The following DLG2 variants were observed in gnomAD, a reference collection of about 807,000 sequenced individuals.
DLG2 encodes the protein discs large MAGUK scaffold protein 2, also known as disks large homolog 2.
A neutral mutation model predicts 132.5 loss-of-function variants in DLG2; 45 were observed. The observed-to-expected ratio is 0.34, with a 90% CI of 0.27 to 0.44. The LOEUF is 0.44. Ranked by LOEUF, DLG2 falls within the 20% of genes least tolerant of loss-of-function variation. DLG2 has a pLI of 1.00. For missense variants in DLG2, 1,045 were observed against 1,196.9 expected (o/e 0.87, Z 1.87); for synonymous variants, 424 against 419.6 (o/e 1.01, Z -0.13).
chr11:85,003,008 T>A (rs1431346250), intron 6 of DLG2, among the ~76,000 whole-genome samples: 5 of 152,064 alleles, frequency 3.3e-5, no homozygotes, highest in Admixed American at 3.3e-4. Context: ...AATATAGTAT[T>A]TATATTATTG....
At chr11:84,045,937 G>C (rs938092146) in intron 11 of DLG2, among the ~76,000 whole-genome samples, 1 of 151,280 alleles carries the variant, frequency 6.6e-6, no homozygotes, top group Non-Finnish European at 1.5e-5. Flanking sequence ...CAAGATTAAT[G>C]GAAAATTTTA....
At position 84,288,023 on chromosome 11, in the gene DLG2, AAC is replaced by A. The variant is rs146071489; in HGVS notation, c.520-36734_520-36733del. Among the ~76,000 whole-genome samples, 2,238 of 152,156 alleles carry A rather than the reference AAC, an allele frequency of 0.015. 194 individuals are homozygous for A. The East Asian group carries it at 0.25, about 17-fold the overall frequency. ...TTCTAGTAAAGCTTGTAGGCAGTGG[AAC>A]AATAATAATTAATTAAAAATATTTC... On this transcript the variant is annotated intron_variant, in intron 7 of 27. Coordinates refer to ENST00000376104, the MANE Select transcript of DLG2 (RefSeq NM_001142699.3).
chr11:85,231,846 A>G (rs1053245465), intron 4 of DLG2, among the ~76,000 whole-genome samples: 1 of 151,930 alleles, frequency 6.6e-6, no homozygotes, highest in Non-Finnish European at 1.5e-5. Context: ...GCTCACAAAA[A>G]TTCCAACGTT....
chr11:85,252,706 T>C (rs933279631), intron 4 of DLG2, among the ~76,000 whole-genome samples: 2 of 152,196 alleles, frequency 1.3e-5, no homozygotes, highest in African/African-American at 2.4e-5. Context: ...ATAAACATTG[T>C]AAATATCTAC....
intron 4 of DLG2, among the ~76,000 whole-genome samples, chr11:85,174,243 C>T (rs2079068224): frequency 6.6e-6 from 1 of 152,046 alleles, no homozygotes; most frequent in African/African-American, 2.4e-5. Flanking sequence ...TCAGTAAATG[C>T]CTAAGAGGCG....
At chr11:84,834,903 G>GA (rs934876512) in intron 6 of DLG2, among the ~76,000 whole-genome samples, 23 of 148,844 alleles carry the variant, frequency 1.5e-4, no homozygotes, top group Non-Finnish European at 2.4e-4. Flanking sequence ...GGGTGTTAAT[G>GA]AAAAAAAAAA....
intron 6 of DLG2, among the ~76,000 whole-genome samples, chr11:84,847,453 GT>G (rs1424244907): frequency 1.3e-5 from 2 of 152,254 alleles, no homozygotes; most frequent in Admixed American, 1.3e-4. Flanking sequence ...AGTTTTATGG[GT>G]TTTTTAGTGA....
At chr11:84,756,416 C>G (rs2066881591) in intron 6 of DLG2, among the ~76,000 whole-genome samples, 1 of 152,152 alleles carries the variant, frequency 6.6e-6, no homozygotes, top group African/African-American at 2.4e-5. Flanking sequence ...CGAATACACT[C>G]AAGCTATTGA....
At chr11:85,257,579 T>C (rs903733169) in intron 4 of DLG2, among the ~76,000 whole-genome samples, 2 of 152,180 alleles carry the variant, frequency 1.3e-5, no homozygotes, top group African/African-American at 4.8e-5. Flanking sequence ...GTAAAACTTT[T>C]TGATAAAGGT....
chr11:85,072,954 C>A (rs1042864766), intron 6 of DLG2, among the ~76,000 whole-genome samples: 1 of 151,698 alleles, frequency 6.6e-6, no homozygotes, highest in Admixed American at 6.6e-5. Context: ...CTAATGCATT[C>A]AAAATGAGGC....
chr11:84,871,628 T>A (rs999177951), intron 6 of DLG2, among the ~76,000 whole-genome samples: 1 of 151,996 alleles, frequency 6.6e-6, no homozygotes, highest in Non-Finnish European at 1.5e-5. Context: ...GAAATATAAT[T>A]GGGTATAAAC....
chr11:83,547,914 G>A (rs1189173323), intron 19 of DLG2, among the ~76,000 whole-genome samples: 5 of 152,146 alleles, frequency 3.3e-5, no homozygotes, highest in Non-Finnish European at 7.4e-5. Flanking sequence ...GAAGAATGTT[G>A]AGGAACATGA....
intron 6 of DLG2, among the ~76,000 whole-genome samples, chr11:84,757,752 T>G (rs1417604326): frequency 1.3e-5 from 2 of 152,196 alleles, no homozygotes; most frequent in Non-Finnish European, 2.9e-5. Context: ...TTGTATTTGA[T>G]TCCAAATCCT....
In DLG2 at chr11:85,547,546, G is replaced by A. The variant is rs1231653390; in HGVS notation, c.40+51111C>T. Among the ~76,000 whole-genome samples the A allele has an allele frequency of 3.2e-4, 48 of 152,118 alleles. 1 individual carries two copies. The highest frequency in any genetic ancestry group is 6.5e-5 in the Admixed American group (1 of 15,276). On this transcript the variant is annotated intron_variant, in intron 3 of 27. Coordinates refer to ENST00000376104, the MANE Select transcript of DLG2 (RefSeq NM_001142699.3). Reference sequence around the variant, plus strand: ...ATGTTGGTCTGCCTTGCTAGGTTGGGGAAATTCTCCTGGATAATATCCTGA... The same window carrying A: ...ATGTTGGTCTGCCTTGCTAGGTTGGAGAAATTCTCCTGGATAATATCCTGA...
intron 19 of DLG2, among the ~76,000 whole-genome samples, chr11:83,575,469 A>G (rs2096860089): frequency 6.6e-6 from 1 of 152,242 alleles, no homozygotes; most frequent in Admixed American, 6.5e-5. Flanking sequence ...CACAGAAAGA[A>G]AATTCTGGAA....
At chr11:83,774,346 C>G (rs546536486) in intron 18 of DLG2, among the ~76,000 whole-genome samples, 2 of 152,148 alleles carry the variant, frequency 1.3e-5, no homozygotes, top group Non-Finnish European at 2.9e-5. Context: ...CGATAATTAT[C>G]GCTTATGGAG....
At chr11:85,484,200 C>A (rs1044277174) in intron 3 of DLG2, among the ~76,000 whole-genome samples, 1 of 150,234 alleles carries the variant, frequency 6.7e-6, no homozygotes, top group Non-Finnish European at 1.5e-5. Flanking sequence ...CTTTCCCGCC[C>A]CCCGTTCCTC....
In DLG2 at chr11:84,005,060, C is replaced by T. The variant is rs539914635; in HGVS notation, c.920-24418G>A. Among the ~76,000 whole-genome samples the T allele has an allele frequency of 2.3e-4, 35 of 150,924 alleles. No homozygotes were observed. The South Asian group carries it at 7.3e-3, about 31-fold the overall frequency. On this transcript the variant is annotated intron_variant, in intron 11 of 27. Transcript: ENST00000376104. ...AAAAACAACAAAACAAAACAAAACA[C>T]AAAAACAAACAAACAAAAAACAAAG...
At chr11:84,581,846 G>A (rs1053087642) in intron 6 of DLG2, among the ~76,000 whole-genome samples, 1 of 148,092 alleles carries the variant, frequency 6.8e-6, no homozygotes, top group Non-Finnish European at 1.5e-5. Flanking sequence ...GGCGGAGGTT[G>A]CAGTCAGCCG....
Sources: gnomAD v4.1 joint callset for allele counts (sites outside exome capture counted in the v4.1 genomes callset) on GRCh38, gnomAD v4.1.1 for gene constraint, MANE v1.5 for transcripts, NCBI Gene and HGNC (gene_info 2026-07-23, HGNC 2026-07-21) for gene names.